The following RPSA2 variants were observed in gnomAD, a reference collection of about 807,000 sequenced individuals.
RPSA2 encodes the protein ribosomal protein SA 2.
chr19:23,834,940 G>C, the RPSA2 span, among the ~76,000 whole-genome samples: 3 of 151,670 alleles, frequency 2.0e-5, no homozygotes. Context: ...AATTTCTGTG[G>C]ATATATGTTT....
chr19:23,799,008 A>G, the RPSA2 span: 2 of 152,212 alleles, frequency 1.3e-5, no homozygotes, highest in Non-Finnish European at 2.9e-5. Context: ...AGCAGCAGAG[A>G]TAGAAAAAAT....
At chr19:23,783,726 C>A in the RPSA2 span, among the ~76,000 whole-genome samples, 1 of 151,994 alleles carries the variant, frequency 6.6e-6, no homozygotes, top group Non-Finnish European at 1.5e-5. Flanking sequence ...TTTTTTTAAT[C>A]CATCACCTGG....
chr19:23,838,371 A>G, the RPSA2 span, among the ~76,000 whole-genome samples: 8 of 152,112 alleles, frequency 5.3e-5, no homozygotes, highest in Non-Finnish European at 1.2e-4. Context: ...ATTAATGTTT[A>G]TCAAGGATAT....
the RPSA2 span, among the ~76,000 whole-genome samples, chr19:23,862,428 G>T: frequency 6.6e-5 from 10 of 151,322 alleles, no homozygotes; most frequent in East Asian, 1.9e-4. Context: ...AATAGGAGTG[G>T]TGAGAGAGGG....
At chr19:23,767,733 A>G in the RPSA2 span, among the ~76,000 whole-genome samples, 3 of 149,996 alleles carry the variant, frequency 2.0e-5, no homozygotes, top group Non-Finnish European at 4.4e-5. Context: ...GTCACCTTGG[A>G]AAGATTTTTT....
the RPSA2 span, among the ~76,000 whole-genome samples, chr19:23,780,260 C>CT: frequency 6.6e-6 from 1 of 152,160 alleles, no homozygotes; most frequent in East Asian, 1.9e-4. Flanking sequence ...TAAACACACC[C>CT]TGCCAATTTT....
chr19:23,833,328 A>T, the RPSA2 span: 1 of 459,584 alleles, frequency 2.2e-6, no homozygotes, highest in African/African-American at 2.1e-5. Flanking sequence ...GTCAAAGCCT[A>T]TAAAAAGTCC....
chr19:23,858,669 C>T, the RPSA2 span, among the ~76,000 whole-genome samples: 1 of 152,156 alleles, frequency 6.6e-6, no homozygotes, highest in African/African-American at 2.4e-5. Flanking sequence ...GAATAAATGC[C>T]AGCAGCTGTG....
At chr19:23,804,457 C>T in the RPSA2 span, among the ~76,000 whole-genome samples, 1 of 8,586 alleles carries the variant, frequency 1.2e-4, no homozygotes. Context: ...CCACCACACC[C>T]GGCTAATTTT....
chr19:23,837,422 TTC>T, the RPSA2 span, among the ~76,000 whole-genome samples: 7 of 152,298 alleles, frequency 4.6e-5, no homozygotes, highest in African/African-American at 1.4e-4. Context: ...TCCAGATTTG[TTC>T]TTTTTTCTTA....
chr19:23,859,023 C>G, the RPSA2 span, among the ~76,000 whole-genome samples: 4 of 152,150 alleles, frequency 2.6e-5, no homozygotes, highest in Non-Finnish European at 4.4e-5. Flanking sequence ...CTTTCTTTTG[C>G]CTATTAAACC....
At chr19:23,863,641 G>A in the RPSA2 span, among the ~76,000 whole-genome samples, 1 of 150,984 alleles carries the variant, frequency 6.6e-6, no homozygotes, top group African/African-American at 2.4e-5. Context: ...TGGTGTATAG[G>A]ACTTGATTTC....
At chr19:23,848,320 G>A in the RPSA2 span, among the ~76,000 whole-genome samples, 497 of 152,198 alleles carry the variant, frequency 3.3e-3, 4 homozygotes, top group African/African-American at 0.011. Flanking sequence ...GTGCCATGGC[G>A]ATGAAGGCTT....
the RPSA2 span, among the ~76,000 whole-genome samples, chr19:23,778,257 G>A: frequency 6.6e-6 from 1 of 152,128 alleles, no homozygotes; most frequent in Non-Finnish European, 1.5e-5. Flanking sequence ...TTGTTTCCCA[G>A]GCTGGAATGC....
At chr19:23,780,248 T>C in the RPSA2 span, among the ~76,000 whole-genome samples, 463 of 152,242 alleles carry the variant, frequency 3.0e-3, 18 homozygotes, top group East Asian at 0.076. Context: ...TCATGTTTCA[T>C]GTAAACACAC....
At chr19:23,867,341 G>A in the RPSA2 span, among the ~76,000 whole-genome samples, 85 of 152,312 alleles carry the variant, frequency 5.6e-4, no homozygotes, top group East Asian at 0.013. Context: ...GTACTTTCCA[G>A]CCTTATGTTG....
the RPSA2 span, among the ~76,000 whole-genome samples, chr19:23,846,401 G>T: frequency 6.6e-6 from 1 of 151,508 alleles, no homozygotes; most frequent in Admixed American, 6.6e-5. Context: ...TTATATTTGT[G>T]GTTTAATAAA....
At chr19:23,783,884 T>C in the RPSA2 span, among the ~76,000 whole-genome samples, 3 of 152,174 alleles carry the variant, frequency 2.0e-5, no homozygotes, top group African/African-American at 7.2e-5. Flanking sequence ...AGCATGCAGG[T>C]GATCTTACTC....
chr19:23,849,514 C>G, the RPSA2 span, among the ~76,000 whole-genome samples: 1 of 152,168 alleles, frequency 6.6e-6, no homozygotes, highest in Non-Finnish European at 1.5e-5. Flanking sequence ...TACTCACAGC[C>G]CGGACATGGC....
Sources: gnomAD v4.1 joint callset for allele counts (sites outside exome capture counted in the v4.1 genomes callset) on GRCh38, gnomAD v4.1.1 for gene constraint, MANE v1.5 for transcripts, NCBI Gene and HGNC (gene_info 2026-07-23, HGNC 2026-07-21) for gene names.